Variants in DOCK3 observed in about 807,000 individuals in gnomAD.
DOCK3 encodes dedicator of cytokinesis protein 3.
In DOCK3, 60 loss-of-function variants were observed where a neutral mutation model predicts 265.6. That is an observed-to-expected ratio of 0.23 (90% CI 0.18 to 0.28). DOCK3 has a LOEUF of 0.28. Among genes scored for constraint, DOCK3 ranks in the 10% least tolerant of loss-of-function variants. DOCK3 has a pLI of 1.00. For missense variants in DOCK3, 1,981 were observed against 2,594.3 expected, an observed-to-expected ratio of 0.76 and a Z score of 5.14; for synonymous variants, 881 against 938.0, an observed-to-expected ratio of 0.94 and a Z score of 1.11.
intron 5 of DOCK3, among the ~76,000 whole-genome samples, chr3:51,061,212 A>G (rs1033488839): frequency 5.3e-5 from 8 of 152,152 alleles, no homozygotes; most frequent in African/African-American, 1.7e-4. Context: ...CCATTACTGT[A>G]TATATACCCA....
At chr3:50,735,730 T>C (rs1259468791) in intron 1 of DOCK3, among the ~76,000 whole-genome samples, 1 of 152,162 alleles carries the variant, frequency 6.6e-6, no homozygotes, top group East Asian at 1.9e-4. Flanking sequence ...CTTATTATAT[T>C]AGCCTGTTCT....
At chr3:51,152,082 C>A (rs563503188) in intron 10 of DOCK3, among the ~76,000 whole-genome samples, 3 of 152,168 alleles carry the variant, frequency 2.0e-5, no homozygotes, top group African/African-American at 4.8e-5. Flanking sequence ...TAATATCCTG[C>A]AGAGTGTTTT....
At chr3:51,001,750 A>G (rs940277364) in intron 5 of DOCK3, among the ~76,000 whole-genome samples, 1 of 152,316 alleles carries the variant, frequency 6.6e-6, no homozygotes, top group African/African-American at 2.4e-5. Context: ...GTCACATTTT[A>G]CATTCCCACC....
chr3:50,864,812 A>G (rs1224837455), intron 3 of DOCK3, among the ~76,000 whole-genome samples: 1 of 151,858 alleles, frequency 6.6e-6, no homozygotes, highest in African/African-American at 2.4e-5. Context: ...GTGTGTTTTT[A>G]TGCCAGTCAT....
chr3:51,251,058 C>T (rs371410747), intron 22 of DOCK3, among the ~76,000 whole-genome samples: 75 of 152,228 alleles, frequency 4.9e-4, no homozygotes, highest in African/African-American at 1.8e-3. Context: ...TGTGATGTTC[C>T]CCACCCTGTG....
At chr3:50,790,380 T>C (rs925125284) in intron 2 of DOCK3, among the ~76,000 whole-genome samples, 1 of 152,036 alleles carries the variant, frequency 6.6e-6, no homozygotes, top group Non-Finnish European at 1.5e-5. Context: ...TGTTTTTTTC[T>C]CATTTGCTAT....
chr3:51,356,412 G>C lies in DOCK3; in HGVS notation c.4422G>C (p.Leu1474=). ...TGCCTGTTCCCTCCCTACAGAGCCT[G>C]TGGATTGAACGTACCACACTGACCC... The part of the protein sequence containing the change: ...PKDKENEFKS[L]WIERTTLTLT... Residue 1474 remains leucine, a synonymous_variant, in exon 43 of 53, where the codon CTG becomes CTC. Transcript: ENST00000266037. The C allele has an allele frequency of 6.2e-7, 1 of 1,613,494 alleles. No homozygotes were observed.
chr3:51,161,063 G>A (rs573248567), intron 12 of DOCK3, among the ~76,000 whole-genome samples: 7 of 142,430 alleles, frequency 4.9e-5, no homozygotes, highest in South Asian at 4.4e-4. Flanking sequence ...GCAACAGAGC[G>A]ACACTCCGTT....
At chr3:50,966,030 CTT>C (rs34258907) in intron 5 of DOCK3, among the ~76,000 whole-genome samples, 396 of 145,042 alleles carry the variant, frequency 2.7e-3, no homozygotes, top group Middle Eastern at 3.5e-3. Flanking sequence ...TCTAAGAGTT[CTT>C]TTTTTTTTTT....
intron 4 of DOCK3, among the ~76,000 whole-genome samples, chr3:50,896,929 C>G (rs1047244242): frequency 1.3e-5 from 2 of 152,020 alleles, no homozygotes. Flanking sequence ...TGTGATGCCT[C>G]CAGCTTTCTT....
intron 5 of DOCK3, among the ~76,000 whole-genome samples, chr3:51,039,071 C>A (rs969831191): frequency 6.6e-6 from 1 of 152,088 alleles, no homozygotes; most frequent in African/African-American, 2.4e-5. Flanking sequence ...TCTCGGCTCA[C>A]TGCAACCTCT....
chr3:51,298,934 C>G (rs553177730), intron 27 of DOCK3, among the ~76,000 whole-genome samples: 5 of 152,182 alleles, frequency 3.3e-5, no homozygotes, highest in African/African-American at 1.2e-4. Flanking sequence ...GGTATATACC[C>G]AGTAATAGGA....
intron 4 of DOCK3, among the ~76,000 whole-genome samples, chr3:50,893,586 A>G (rs965916790): frequency 2.0e-5 from 3 of 152,042 alleles, no homozygotes; most frequent in African/African-American, 7.2e-5. Flanking sequence ...TCAGAAAGGA[A>G]AAAGAGGGAA....
At chr3:51,089,133 T>G in intron 7 of DOCK3, 110 bp from the exon 8 acceptor site, 1 of 1,089,604 alleles carries the variant, frequency 9.2e-7, no homozygotes. Flanking sequence ...CAGAATTAAA[T>G]GAGATCATGA....
intron 12 of DOCK3, among the ~76,000 whole-genome samples, chr3:51,162,481 TC>T (rs2086187107): frequency 6.6e-6 from 1 of 152,168 alleles, no homozygotes; most frequent in Admixed American, 6.5e-5. Context: ...ATTTACCAAA[TC>T]CCCAAATTGA....
chr3:50,736,145 GC>G (rs906264638), intron 1 of DOCK3, among the ~76,000 whole-genome samples: 9 of 152,172 alleles, frequency 5.9e-5, no homozygotes, highest in Non-Finnish European at 1.3e-4. Flanking sequence ...GTGAGAACAT[GC>G]AGTGTTTGTT....
chr3:51,338,801 C>T, intron 36 of DOCK3, 134 bp from the exon 37 acceptor site: 2 of 733,062 alleles, frequency 2.7e-6, no homozygotes, highest in East Asian at 2.7e-5. Context: ...GGTGCTTTCT[C>T]CTTCTGGTGC....
At chr3:51,008,917 C>T (rs879069305) in intron 5 of DOCK3, among the ~76,000 whole-genome samples, 8 of 151,916 alleles carry the variant, frequency 5.3e-5, no homozygotes, top group Admixed American at 1.3e-4. Flanking sequence ...TGATGGATTA[C>T]GTTTATTGAT....
At chr3:50,964,145 T>C (rs2076963320) in intron 5 of DOCK3, among the ~76,000 whole-genome samples, 1 of 152,194 alleles carries the variant, frequency 6.6e-6, no homozygotes, top group Non-Finnish European at 1.5e-5. Context: ...GGAATTATCA[T>C]CAGTAGATTG....
Sources: allele counts gnomAD v4.1 joint callset (sites outside exome capture counted in the v4.1 genomes callset), GRCh38; gene constraint gnomAD v4.1.1; transcripts MANE v1.5; gene names NCBI Gene and HGNC (gene_info 2026-07-23, HGNC 2026-07-21).